Variants in WWTR1 observed in about 807,000 individuals in gnomAD.
WWTR1 encodes WW domain-containing transcription regulator protein 1.
WWTR1 carries 13 observed loss-of-function variants against 40.1 expected under a neutral mutation model. That is an observed-to-expected ratio of 0.32 (90% CI 0.21 to 0.52). The LOEUF (loss-of-function observed/expected upper bound fraction) is 0.52. Ranked by LOEUF, WWTR1 falls within the 20% of genes least tolerant of loss-of-function variation. WWTR1 has a pLI of 0.97. For synonymous variants in WWTR1, 230 were observed against 210.1 expected (o/e 1.09, Z -0.82); for missense variants, 436 against 523.1 (o/e 0.83, Z 1.63).
At chr3:149,708,618 G>T (rs989839575) in intron 5 of WWTR1, among the ~76,000 whole-genome samples, 7 of 152,064 alleles carry the variant, frequency 4.6e-5, no homozygotes, top group African/African-American at 1.2e-4. Context: ...TGTCCTCAAG[G>T]TTCATCCATA....
intron 2 of WWTR1, among the ~76,000 whole-genome samples, chr3:149,595,004 C>T (rs1439886895): frequency 1.6e-5 from 2 of 123,770 alleles, no homozygotes; most frequent in Non-Finnish European, 3.2e-5. Context: ...GCTCTGTTGC[C>T]AGGCTGGAGT....
chr3:149,716,149 G>A (rs1395128281), intron 5 of WWTR1, among the ~76,000 whole-genome samples: 11 of 152,208 alleles, frequency 7.2e-5, no homozygotes, highest in East Asian at 1.9e-4. Flanking sequence ...TTGGGAGGCC[G>A]AGATGGGTGG....
At chr3:149,568,924 A>G (rs996964886) in intron 3 of WWTR1, among the ~76,000 whole-genome samples, 3 of 151,978 alleles carry the variant, frequency 2.0e-5, no homozygotes, top group Admixed American at 1.3e-4. Flanking sequence ...CCGCCACCAC[A>G]CCCAGCTAAT....
At chr3:149,530,246 C>G (rs1735503085) in intron 4 of WWTR1, among the ~76,000 whole-genome samples, 1 of 151,906 alleles carries the variant, frequency 6.6e-6, no homozygotes, top group South Asian at 2.1e-4. Flanking sequence ...ACTCAGGAGG[C>G]TGAGGCAGGA....
intron 5 of WWTR1, among the ~76,000 whole-genome samples, chr3:149,708,874 T>C (rs1576648733): frequency 6.6e-6 from 1 of 152,330 alleles, no homozygotes; most frequent in East Asian, 1.9e-4. Flanking sequence ...TTTTAATTTG[T>C]TGAAGAATCT....
At position 149,527,816 on chromosome 3, in the gene WWTR1, G is replaced by A; in HGVS notation, c.905+20C>T. The A allele has an allele frequency of 6.2e-7, 1 of 1,613,376 alleles. No homozygotes were observed. The highest frequency in any genetic ancestry group is 1.1e-5 in the South Asian group (1 of 91,048). On this transcript the variant is annotated intron_variant, in intron 5 of 6. Transcript: ENST00000360632. Reference sequence around the variant, plus strand: ...ATAATAAAGAGAATAAAAATAAGTGGCCCCCAAATATTAACTTACCCATTG... The same window carrying A: ...ATAATAAAGAGAATAAAAATAAGTGACCCCCAAATATTAACTTACCCATTG...
intron 2 of WWTR1, among the ~76,000 whole-genome samples, chr3:149,618,837 A>G (rs918482039): frequency 5.3e-5 from 8 of 152,128 alleles, no homozygotes; most frequent in African/African-American, 1.4e-4. Flanking sequence ...CAGTGACACG[A>G]CAAGTACAAT....
intron 2 of WWTR1, among the ~76,000 whole-genome samples, chr3:149,608,461 C>T (rs1739584091): frequency 6.6e-6 from 1 of 151,898 alleles, no homozygotes; most frequent in East Asian, 1.9e-4. Flanking sequence ...TCTTGGCTCA[C>T]TGCAACCTCC....
At chr3:149,715,417 C>T (rs1715583795) in intron 5 of WWTR1, among the ~76,000 whole-genome samples, 1 of 152,244 alleles carries the variant, frequency 6.6e-6, no homozygotes, top group Non-Finnish European at 1.5e-5. Context: ...CATAGCCTCA[C>T]AGAGCGCTGG....
chr3:149,640,004 AAAAAAAAAAGAAAGAAAG>A (rs1455063506), intron 2 of WWTR1, among the ~76,000 whole-genome samples: 234 of 150,996 alleles, frequency 1.5e-3, no homozygotes, highest in African/African-American at 5.6e-3. Flanking sequence ...AAAAAAAAAA[AAAAAAAAAAGAAAGAAAG>A]AAAGAAAGAA....
chr3:149,523,065 T>TAAA (rs35874540), intron 6 of WWTR1, among the ~76,000 whole-genome samples: 1 of 141,576 alleles, frequency 7.1e-6, no homozygotes, highest in Middle Eastern at 3.3e-3. Context: ...GACCCCGTAT[T>TAAA]AAAAAAAAAA....
Position 149,517,903 on chromosome 3 carries a change from G to A in WWTR1, c.*2902C>T, listed in dbSNP as rs1734860674. On this transcript the variant is annotated 3_prime_UTR_variant, in exon 7 of 7. Coordinates refer to ENST00000360632, the MANE Select transcript of WWTR1 (RefSeq NM_015472.6). The stretch of plus-strand genomic sequence containing the variant: ...GCCTTTTCTGTGACAAAATTTTGGG[G>A]TGAAATGATGATGTTTACTGATTGA... The A allele has an allele frequency of 6.6e-6, 1 of 152,062 alleles. No homozygotes were observed. Among genetic ancestry groups the A allele is most frequent in the Admixed American group, 6.5e-5 (1 of 15,274 alleles). 9.4% of individuals were successfully genotyped at this position (152,062 alleles called of 1,614,324 possible).
rs1449575136 is a variant in WWTR1 at position 149,656,890 on chromosome 3, C to G, written c.417G>C (p.Gln139His). The change falls in exon 2 of 7, where the codon CAG (glutamine) becomes CAC (histidine). Residue 139 changes from glutamine to histidine, a missense_variant. Physicochemically the swap from Gln to His is conservative, Grantham distance 24. Coordinates refer to ENST00000360632, the MANE Select transcript of WWTR1 (RefSeq NM_015472.6). The stretch of plus-strand genomic sequence containing the variant: ...GGCTGACTTACTTGAGGAAGTACCT[C>G]TGGCCAGTGGCCGTGAAGGTCATCT... Reference protein sequence around the residue: ...GWEMTFTATGQRYFLNHIEKI... With the variant: ...GWEMTFTATGHRYFLNHIEKI... 6.5e-7 allele frequency: 1 copy of G among 1,530,816 alleles called. No individual in the cohort carries two copies. Among genetic ancestry groups the G allele is most frequent in the Non-Finnish European group, 8.7e-7 (1 of 1,146,340 alleles). 94.8% of individuals were successfully genotyped at this position (1,530,816 alleles called of 1,614,324 possible). A position where few individuals can be genotyped will look rare whatever the true frequency, so the allele number is the denominator to read the frequency against.
At chr3:149,672,997 A>G (rs1714146036) in intron 1 of WWTR1, among the ~76,000 whole-genome samples, 1 of 152,184 alleles carries the variant, frequency 6.6e-6, no homozygotes, top group African/African-American at 2.4e-5. Context: ...AATGAAAAAG[A>G]AAAAGTATGA....
chr3:149,658,655 A>G (rs753118619), upstream of WWTR1: 4 of 152,330 alleles, frequency 2.6e-5, no homozygotes, highest in Non-Finnish European at 4.4e-5. Flanking sequence ...CTGCTAGAGC[A>G]CAGACGGTGC....
At chr3:149,628,715 T>A (rs544637903) in intron 2 of WWTR1, among the ~76,000 whole-genome samples, 1 of 151,778 alleles carries the variant, frequency 6.6e-6, no homozygotes, top group African/African-American at 2.4e-5. Context: ...CTCTCAAGTC[T>A]CACAAATGAT....
upstream of WWTR1, among the ~76,000 whole-genome samples, chr3:149,662,973 T>C (rs1284530054): frequency 6.6e-6 from 1 of 152,070 alleles, no homozygotes; most frequent in Non-Finnish European, 1.5e-5. Context: ...TCCTAAATTC[T>C]CCTTGTTCTT....
In WWTR1 at chr3:149,657,298, C is replaced by T. The variant is rs1203836686; in HGVS notation, c.9G>A (p.Pro3=). 3.1e-6 allele frequency: 5 copies of T among 1,609,978 alleles called. No homozygotes were observed. In the African/African-American group the frequency reaches 6.7e-5, roughly 22 times the overall value. MN[P]ASAPPPLPPP... Reference sequence around the variant, plus strand: ...GCGGGAGCGGAGGGGGCGCCGAGGCCGGATTCATCTTCTGCAAAAAGAAGG... The same window carrying T: ...GCGGGAGCGGAGGGGGCGCCGAGGCTGGATTCATCTTCTGCAAAAAGAAGG... The change falls in exon 2 of 7, where the codon CCG becomes CCA. Residue 3 remains proline, a synonymous_variant. Transcript: ENST00000360632.
chr3:149,592,582 AAT>A (rs1252361078), intron 2 of WWTR1, among the ~76,000 whole-genome samples: 4 of 152,274 alleles, frequency 2.6e-5, no homozygotes, highest in Admixed American at 1.3e-4. Context: ...CATATATCAG[AAT>A]ATATATATAC....
Sources: allele counts gnomAD v4.1 joint callset (sites outside exome capture counted in the v4.1 genomes callset), GRCh38; gene constraint gnomAD v4.1.1; transcripts MANE v1.5; gene names NCBI Gene and HGNC (gene_info 2026-07-23, HGNC 2026-07-21).